DOCK5: variants seen among roughly 807,000 people sequenced by gnomAD.
DOCK5 encodes dedicator of cytokinesis 5, also known as dedicator of cytokinesis protein 5.
DOCK5 carries 142 observed loss-of-function variants against 251.8 expected under a neutral mutation model. That is an observed-to-expected ratio of 0.56 (90% CI 0.49 to 0.65). DOCK5 has a LOEUF of 0.65. Ranked by LOEUF, DOCK5 falls within the 30% of genes least tolerant of loss-of-function variation. DOCK5 has a pLI of 0.00. For synonymous variants in DOCK5, 842 were observed against 835.5 expected (o/e 1.01, Z -0.13); for missense variants, 2,111 against 2,312.3 (o/e 0.91, Z 1.79).
chr8:25,315,834 A>G (rs1787423554), intron 13 of DOCK5, among the ~76,000 whole-genome samples: 1 of 152,236 alleles, frequency 6.6e-6, no homozygotes, highest in African/African-American at 2.4e-5. Context: ...AGTGATAAGC[A>G]GTATCTTATT....
At chr8:25,293,231 C>T (rs181187160) in intron 6 of DOCK5, among the ~76,000 whole-genome samples, 5 of 152,194 alleles carry the variant, frequency 3.3e-5, no homozygotes, top group Non-Finnish European at 5.9e-5. Context: ...TTTTTTTCCT[C>T]CTCCTCTACC....
chr8:25,369,518 T>C (rs190229538), intron 33 of DOCK5, 38 bp from the exon 34 acceptor site: 124 of 1,564,144 alleles, frequency 7.9e-5, no homozygotes, highest in Non-Finnish European at 4.4e-5. Context: ...CTTCTAAGGA[T>C]GCAACATTAT....
chr8:25,291,476 A>G (rs1586299850), intron 5 of DOCK5, among the ~76,000 whole-genome samples: 1 of 148,428 alleles, frequency 6.7e-6, no homozygotes, highest in Non-Finnish European at 1.5e-5. Context: ...TGAGGTCAGG[A>G]GTTCGAGACC....
chr8:25,249,189 T>A (rs1368409203), intron 2 of DOCK5, among the ~76,000 whole-genome samples: 3 of 151,988 alleles, frequency 2.0e-5, no homozygotes, highest in African/African-American at 7.2e-5. Context: ...TTAGGAGAGG[T>A]GAAGCCTTGC....
chr8:25,203,850 G>C lies in DOCK5; in HGVS notation c.43+18899G>C, dbSNP rs146679798. The stretch of plus-strand genomic sequence containing the variant: ...GACTTGAGGTACAAAATCCCATGTT[G>C]TGGAGGCATTAGCTAACAGTTGTAA... On this transcript the variant is annotated intron_variant, in intron 1 of 51. Coordinates refer to ENST00000276440, the MANE Select transcript of DOCK5 (RefSeq NM_024940.8). Among the ~76,000 whole-genome samples, 584 of 152,260 alleles carry C rather than the reference G, an allele frequency of 3.8e-3. 3 individuals carry two copies. Among genetic ancestry groups the C allele is most frequent in the African/African-American group, 0.013 (522 of 41,548 alleles).
intron 28 of DOCK5, among the ~76,000 whole-genome samples, 182 bp from the exon 29 acceptor site, chr8:25,362,865 C>T (rs556824121): frequency 7.9e-5 from 12 of 152,238 alleles, no homozygotes; most frequent in African/African-American, 2.9e-4. Flanking sequence ...ATATAAAAAT[C>T]AAATTGCATC....
At chr8:25,319,470 G>C in intron 14 of DOCK5, 108 bp from the exon 15 acceptor site, 1 of 661,530 alleles carries the variant, frequency 1.5e-6, no homozygotes, top group South Asian at 1.9e-5. Flanking sequence ...GCCAGTGTAG[G>C]GCATGTGTGG....
intron 1 of DOCK5, among the ~76,000 whole-genome samples, chr8:25,197,753 T>TTTTTTTA (rs1801770486): frequency 1.4e-5 from 2 of 138,190 alleles, no homozygotes; most frequent in Admixed American, 1.5e-4. Context: ...CAAGCTAATT[T>TTTTTTTA]TTTTTTTTTT....
In DOCK5 at chr8:25,414,909, C is replaced by CTTT. The variant is rs56338302; in HGVS notation, c.*3622_*3624dup. Reference sequence around the variant, plus strand: ...ATTTGTAGTCAGTCCCTGGGCCTGTCTTTTTTTTTTTTTAATTTTGAAGCT... The same window carrying CTTT: ...ATTTGTAGTCAGTCCCTGGGCCTGTCTTTTTTTTTTTTTTTTAATTTTGAAGCT... On this transcript the variant is annotated 3_prime_UTR_variant, in exon 52 of 52. Coordinates refer to ENST00000276440, the MANE Select transcript of DOCK5 (RefSeq NM_024940.8). The CTTT allele has an allele frequency of 1.0e-5, 1 of 96,604 alleles. No individual in the cohort carries two copies. Among genetic ancestry groups the CTTT allele is most frequent in the East Asian group, 3.5e-4 (1 of 2,858 alleles). 6.0% of individuals were successfully genotyped at this position (96,604 alleles called of 1,614,324 possible). A position where few individuals can be genotyped will look rare whatever the true frequency, so the allele number is the denominator to read the frequency against.
At chr8:25,349,365 G>A (rs1800427457) in intron 26 of DOCK5, among the ~76,000 whole-genome samples, 1 of 152,150 alleles carries the variant, frequency 6.6e-6, no homozygotes, top group Admixed American at 6.5e-5. Context: ...TATGAAACAT[G>A]TTTAAAGAAC....
chr8:25,319,654 C>G lies in DOCK5; in HGVS notation c.1520C>G (p.Pro507Arg), dbSNP rs1439063956. Reference sequence around the variant, plus strand: ...GTAGTCTATTACCAAGTCAAGCAGCCCTGTTGGTATGAGACTGTCAAGGTG... The same window carrying G: ...GTAGTCTATTACCAAGTCAAGCAGCGCTGTTGGTATGAGACTGTCAAGGTG... The part of the protein sequence containing the change: ...KSVVYYQVKQ[P>R]CWYETVKVSI... Residue 507 changes from proline to arginine, a missense_variant, in exon 15 of 52, where the codon CCC becomes CGC. This residue lies in a region of DOCK5 where 1,717 missense variants were observed against 1,892.4 expected (regional missense o/e 0.91). Coordinates refer to ENST00000276440, the MANE Select transcript of DOCK5 (RefSeq NM_024940.8). 10 of 1,586,722 alleles carry G rather than the reference C, an allele frequency of 6.3e-6. No homozygotes were observed.
intron 2 of DOCK5, among the ~76,000 whole-genome samples, chr8:25,246,126 T>C (rs1803099910): frequency 6.6e-6 from 1 of 152,240 alleles, no homozygotes; most frequent in South Asian, 2.1e-4. Context: ...AGTAACATGC[T>C]ATGTCTTACT....
chr8:25,408,293 G>A, intron 49 of DOCK5, 139 bp downstream of exon 49: 1 of 919,530 alleles, frequency 1.1e-6, no homozygotes, highest in Non-Finnish European at 1.6e-6. Flanking sequence ...GTTAGTGTCA[G>A]GTCGCAGATT....
intron 25 of DOCK5, among the ~76,000 whole-genome samples, chr8:25,343,715 G>A (rs902141930): frequency 4.6e-5 from 7 of 152,262 alleles, no homozygotes; most frequent in Non-Finnish European, 7.3e-5. Flanking sequence ...TCAACCCCAC[G>A]TTCAGTGATA....
chr8:25,341,874 G>T, intron 24 of DOCK5, 65 bp downstream of exon 24: 2 of 1,307,648 alleles, frequency 1.5e-6, no homozygotes, highest in Non-Finnish European at 2.1e-6. Context: ...CTTGGCTGGA[G>T]CCTGGGCTGC....
At chr8:25,376,377 A>G in intron 37 of DOCK5, 1 of 984,892 alleles carries the variant, frequency 1.0e-6, no homozygotes, top group Non-Finnish European at 1.2e-6. Flanking sequence ...TCCCATCTTT[A>G]TTACTAAATT....
chr8:25,280,275 T>C (rs1381490035), intron 5 of DOCK5, among the ~76,000 whole-genome samples: 4 of 152,216 alleles, frequency 2.6e-5, no homozygotes, highest in South Asian at 2.1e-4. Context: ...CTTTTCTTTA[T>C]GTGGCTTTGT....
intron 30 of DOCK5, among the ~76,000 whole-genome samples, chr8:25,365,631 A>C (rs985114855): frequency 1.1e-4 from 16 of 152,214 alleles, no homozygotes; most frequent in South Asian, 6.2e-4. Flanking sequence ...AAGGAGTAGC[A>C]TGTGACCAGT....
intron 13 of DOCK5, among the ~76,000 whole-genome samples, chr8:25,315,585 A>G (rs1432866450): frequency 1.3e-5 from 2 of 152,244 alleles, no homozygotes; most frequent in Non-Finnish European, 2.9e-5. Flanking sequence ...TATTCAACTA[A>G]TTCCCTGTGC....
Sources: allele counts gnomAD v4.1 joint callset (sites outside exome capture counted in the v4.1 genomes callset), GRCh38; gene constraint gnomAD v4.1.1; regional missense constraint gnomAD v4.1.1; transcripts MANE v1.5; gene names NCBI Gene and HGNC (gene_info 2026-07-23, HGNC 2026-07-21).